IRAK2: variants seen among roughly 807,000 people sequenced by gnomAD.
The protein encoded by IRAK2 is interleukin-1 receptor-associated kinase-like 2.
Under a neutral mutation model 72.0 loss-of-function variants are expected in IRAK2, and 57 were observed. The ratio of observed to expected loss-of-function variants is 0.79; its 90% CI spans 0.64 to 0.99. IRAK2 has a LOEUF of 0.99. IRAK2 is among the 50% of genes least tolerant of loss of function. IRAK2 has a pLI of 0.00. For missense variants in IRAK2, 790 were observed against 794.4 expected (o/e 0.99, Z 0.07); for synonymous variants, 293 against 312.7 (o/e 0.94, Z 0.67).
chr3:10,210,010 C>A (rs2125154597), intron 4 of IRAK2, among the ~76,000 whole-genome samples: 1 of 152,290 alleles, frequency 6.6e-6, no homozygotes, highest in Non-Finnish European at 1.5e-5. Context: ...ACCTCCGCTT[C>A]CCGGGTTCAA....
chr3:10,221,247 A>ATTTT (rs1697686290), intron 8 of IRAK2, among the ~76,000 whole-genome samples: 1 of 137,696 alleles, frequency 7.3e-6, no homozygotes, highest in African/African-American at 2.8e-5. Flanking sequence ...CAAAAAAAAA[A>ATTTT]ATTTTTTTTT....
At chr3:10,231,277 T>C (rs1271202335) in intron 10 of IRAK2, among the ~76,000 whole-genome samples, 1 of 152,112 alleles carries the variant, frequency 6.6e-6, no homozygotes, top group Non-Finnish European at 1.5e-5. Context: ...TCCCCAAATT[T>C]TAACCACTTA....
chr3:10,230,913 CAGCT>C (rs1313230177), intron 10 of IRAK2, among the ~76,000 whole-genome samples: 1 of 151,966 alleles, frequency 6.6e-6, no homozygotes, highest in Admixed American at 6.6e-5. Context: ...CCAACATGCC[CAGCT>C]AATTTTTGTA....
intron 1 of IRAK2, 65 bp downstream of exon 1, chr3:10,165,113 G>A (rs1696659342): frequency 7.0e-7 from 1 of 1,436,394 alleles, no homozygotes; most frequent in Admixed American, 1.9e-5. Context: ...CCCGCCTGGA[G>A]CGGCCGCCAA....
At chr3:10,184,723 GTTTTTTTTTTTTT>G (rs55839723) in intron 2 of IRAK2, among the ~76,000 whole-genome samples, 4 of 102,024 alleles carry the variant, frequency 3.9e-5, no homozygotes, top group Non-Finnish European at 7.3e-5. Flanking sequence ...GTTTTTGTGT[GTTTTTTTTTTTTT>G]TTTTTTTTTT....
At chr3:10,194,854 C>T (rs1176616647) in intron 2 of IRAK2, among the ~76,000 whole-genome samples, 1 of 152,178 alleles carries the variant, frequency 6.6e-6, no homozygotes, top group African/African-American at 2.4e-5. Context: ...TCACAGGAAA[C>T]CAGAACTTCT....
chr3:10,175,083 C>T (rs1696852417), intron 1 of IRAK2, among the ~76,000 whole-genome samples: 1 of 150,832 alleles, frequency 6.6e-6, no homozygotes, highest in African/African-American at 2.4e-5. Context: ...AACAGAGTGA[C>T]ACCCTGTCTC....
At chr3:10,211,183 A>C (rs1046320768) in intron 4 of IRAK2, among the ~76,000 whole-genome samples, 34 of 150,588 alleles carry the variant, frequency 2.3e-4, no homozygotes, top group African/African-American at 8.3e-4. Context: ...TTTGAGACAA[A>C]GTCTCCCTCT....
At chr3:10,218,684 A>G (rs1340560601) in intron 7 of IRAK2, among the ~76,000 whole-genome samples, 1 of 152,198 alleles carries the variant, frequency 6.6e-6, no homozygotes, top group African/African-American at 2.4e-5. Context: ...CATGATAAAA[A>G]TAACTGCTGA....
chr3:10,171,789 G>A (rs556282825), intron 1 of IRAK2, among the ~76,000 whole-genome samples: 64 of 143,738 alleles, frequency 4.5e-4, no homozygotes, highest in African/African-American at 1.5e-3. Flanking sequence ...TTTTTGAGAC[G>A]GAGTCTCACT....
chr3:10,242,187 A>C lies in IRAK2; in HGVS notation c.1837A>C (p.Lys613Gln). ...RKLMENILLY[K>Q]EEKVDSIELF... Reference sequence around the variant, plus strand: ...ACTGATGGAGAATATTCTGCTCTACAAAGAGGAAAAAGTGGACAGCATTGA... The same window carrying C: ...ACTGATGGAGAATATTCTGCTCTACCAAGAGGAAAAAGTGGACAGCATTGA... Residue 613 changes from lysine (K) to glutamine (Q), a missense_variant, in exon 13 of 13, where the codon AAA (lysine) becomes CAA (glutamine). By Grantham distance (53) the Lys-to-Gln change is moderately conservative. Coordinates refer to ENST00000256458, the MANE Select transcript of IRAK2 (RefSeq NM_001570.4). 1.2e-6 allele frequency: 2 copies of C among 1,613,666 alleles called. No homozygotes were observed. The highest frequency in any genetic ancestry group is 1.7e-6 in the Non-Finnish European group (2 of 1,179,674).
chr3:10,204,985 C>A (rs1168566580), intron 3 of IRAK2, among the ~76,000 whole-genome samples: 1 of 152,112 alleles, frequency 6.6e-6, no homozygotes, highest in Non-Finnish European at 1.5e-5. Flanking sequence ...CCATCTCCCT[C>A]CCCTCCCTTA....
chr3:10,236,530 T>C (rs539546810), intron 11 of IRAK2, among the ~76,000 whole-genome samples: 9 of 151,982 alleles, frequency 5.9e-5, no homozygotes, highest in Admixed American at 3.9e-4. Flanking sequence ...GTATTTTTAG[T>C]AGAGATGGGG....
intron 3 of IRAK2, among the ~76,000 whole-genome samples, chr3:10,205,298 A>T (rs1697419203): frequency 6.6e-6 from 1 of 152,064 alleles, no homozygotes. Context: ...ACCCCAGAGG[A>T]GGGGAGGGCT....
chr3:10,177,964 T>C lies in IRAK2; in HGVS notation c.221T>C (p.Leu74Pro), dbSNP rs201063609. The C allele has an allele frequency of 2.5e-6, 4 of 1,613,682 alleles. No individual in the cohort carries two copies. Among genetic ancestry groups the C allele is most frequent in the African/African-American group, 1.3e-5 (1 of 74,926 alleles). ...ATGCGGCAGGCCACCGTCCAGCAAC[T>C]TGTGGACCTCCTGTGCCGCCTGGAG... Reference protein sequence around the residue: ...WGMRQATVQQLVDLLCRLELY... With the variant: ...WGMRQATVQQPVDLLCRLELY... Residue 74 changes from leucine (L) to proline (P), a missense_variant, in exon 2 of 13, where the codon CTT becomes CCT. Transcript: ENST00000256458.
chr3:10,231,638 AATGTCC>A (rs1697862931), intron 10 of IRAK2, among the ~76,000 whole-genome samples: 1 of 151,756 alleles, frequency 6.6e-6, no homozygotes, highest in Non-Finnish European at 1.5e-5. Flanking sequence ...AGACCCCAAA[AATGTCC>A]ATATATTACT....
At chr3:10,227,538 A>ACC (rs1204687999) in intron 10 of IRAK2, among the ~76,000 whole-genome samples, 2 of 152,094 alleles carry the variant, frequency 1.3e-5, no homozygotes, top group Non-Finnish European at 1.5e-5. Context: ...TTTTTCCATG[A>ACC]TAGAGTCATT....
chr3:10,238,239 A>G (rs528469047), intron 11 of IRAK2, among the ~76,000 whole-genome samples: 10 of 152,190 alleles, frequency 6.6e-5, no homozygotes, highest in Admixed American at 1.3e-4. Flanking sequence ...GGGAAGTTAG[A>G]CCCAGGATCT....
intron 12 of IRAK2, among the ~76,000 whole-genome samples, 174 bp downstream of exon 12, chr3:10,239,213 C>T (rs1402944079): frequency 1.3e-5 from 2 of 152,236 alleles, no homozygotes; most frequent in Non-Finnish European, 2.9e-5. Context: ...CCTCCCTCTC[C>T]CTGCCCTGGA....
Sources: allele counts gnomAD v4.1 joint callset (sites outside exome capture counted in the v4.1 genomes callset), GRCh38; gene constraint gnomAD v4.1.1; transcripts MANE v1.5; gene names NCBI Gene and HGNC (gene_info 2026-07-23, HGNC 2026-07-21).